The following NEBL variants were observed in gnomAD, a reference collection of about 807,000 sequenced individuals.
The protein encoded by NEBL is LIM and SH3 protein 2.
NEBL carries 122 observed loss-of-function variants against 140.2 expected under a neutral mutation model. The observed-to-expected ratio is 0.87, with a 90% CI of 0.75 to 1.01. NEBL has a LOEUF of 1.01. Ranked by LOEUF, NEBL falls within the 50% of genes least tolerant of loss-of-function variation. The pLI is 0.00. For synonymous variants in NEBL, 436 were observed against 398.9 expected, an observed-to-expected ratio of 1.09 and a Z score of -1.11; for missense variants, 1,365 against 1,231.3, an observed-to-expected ratio of 1.11 and a Z score of -1.62.
intron 2 of NEBL, among the ~76,000 whole-genome samples, chr10:21,083,675 TC>T (rs1374138797): frequency 1.3e-5 from 2 of 151,988 alleles, no homozygotes; most frequent in African/African-American, 4.8e-5. Context: ...CAAAATCCCG[TC>T]TCTACTAAAA....
chr10:20,941,168 A>T (rs929454874), intron 4 of NEBL, among the ~76,000 whole-genome samples: 42 of 152,226 alleles, frequency 2.8e-4, no homozygotes, highest in African/African-American at 8.7e-4. Context: ...CCTGATGAAC[A>T]TTGATGCAAA....
Position 21,066,886 on chromosome 10 carries a change from T to A in NEBL, c.165-46685A>T, listed in dbSNP as rs532699776. Among the ~76,000 whole-genome samples, 10 of 152,240 alleles carry A rather than the reference T, an allele frequency of 6.6e-5. No homozygotes were observed. In the East Asian group the frequency reaches 1.9e-3, roughly 29 times the overall value. ...CTATTTAAGGACACTTAAGAACTTT[T>A]AGCATCATGTTCAGTTGCTCCATCT... is the stretch of plus-strand genomic sequence containing the variant. On this transcript the variant is annotated intron_variant, in intron 2 of 6. Coordinates refer to the NEBL transcript ENST00000417816.
At chr10:20,939,387 G>C (rs1428482708) in intron 4 of NEBL, among the ~76,000 whole-genome samples, 3 of 152,142 alleles carry the variant, frequency 2.0e-5, no homozygotes, top group Non-Finnish European at 4.4e-5. Context: ...CAAATGCTGA[G>C]AGATTTTGTC....
At chr10:21,054,669 C>T (rs1464331281) in intron 2 of NEBL, among the ~76,000 whole-genome samples, 2 of 152,032 alleles carry the variant, frequency 1.3e-5, no homozygotes, top group Non-Finnish European at 2.9e-5. Context: ...GTATTTTTTC[C>T]AAACTGTTCT....
intron 3 of NEBL, among the ~76,000 whole-genome samples, chr10:20,966,988 C>CATTCACGTTAAAGGAG (rs796341635): frequency 1.3e-5 from 2 of 151,936 alleles, no homozygotes; most frequent in Non-Finnish European, 2.9e-5. Context: ...ATGACCATAC[C>CATTCACGTTAAAGGAG]ATTCACGTTA....
intron 3 of NEBL, among the ~76,000 whole-genome samples, chr10:21,198,322 G>A (rs985738107): frequency 1.3e-5 from 2 of 152,158 alleles, no homozygotes; most frequent in Non-Finnish European, 2.9e-5. Context: ...GGATGTATTA[G>A]GAAGAAGAAC....
chr10:21,040,970 T>C (rs955851882), intron 2 of NEBL, among the ~76,000 whole-genome samples: 17 of 152,172 alleles, frequency 1.1e-4, no homozygotes, highest in African/African-American at 4.1e-4. Flanking sequence ...GTACAGCATG[T>C]GGAACCAAGA....
chr10:21,103,299 C>T lies in NEBL; in HGVS notation c.164+69084G>A, dbSNP rs191006987. On this transcript the variant is annotated intron_variant, in intron 2 of 6. Transcript: ENST00000417816. ...TGCAATCTCGGCCCACTGCAAGCTC[C>T]GCCTTCCGGGTTCATGCCATTCTCC... Among the ~76,000 whole-genome samples the T allele has an allele frequency of 3.2e-3, 491 of 151,534 alleles. 3 individuals carry two copies. Among genetic ancestry groups the T allele is most frequent in the African/African-American group, 0.011 (446 of 41,308 alleles).
exon 1 of NEBL, chr10:21,174,099 G>C: frequency 1.1e-6 from 1 of 942,746 alleles, no homozygotes; most frequent in African/African-American, 1.8e-5. Flanking sequence ...TGCGTCGCTC[G>C]CACTCCAGGT....
At position 20,835,502 on chromosome 10, in the gene NEBL, A is replaced by C; in HGVS notation, c.1449+11T>G. ...ATGAGTCTTAAGGCCTGCATCACGC[A>C]CCCTACTAACCTCACTCGCTATCTC... is the stretch of plus-strand genomic sequence containing the variant. On this transcript the variant is annotated intron_variant, in intron 14 of 27. Transcript: ENST00000377122. 1 of 1,589,108 alleles carries C rather than the reference A, an allele frequency of 6.3e-7. No homozygotes were observed. Among genetic ancestry groups the C allele is most frequent in the Non-Finnish European group, 8.6e-7 (1 of 1,159,710 alleles).
At chr10:20,901,685 T>C (rs144048184), upstream of NEBL, among the ~76,000 whole-genome samples, 9 of 152,318 alleles carry the variant, frequency 5.9e-5, no homozygotes, top group Admixed American at 1.3e-4. Flanking sequence ...GAAAGAAGAA[T>C]TTGTTTGCCT....
At chr10:20,971,689 A>G (rs979205908) in intron 3 of NEBL, among the ~76,000 whole-genome samples, 29 of 146,642 alleles carry the variant, frequency 2.0e-4, no homozygotes, top group African/African-American at 5.8e-4. Flanking sequence ...TCTCGGCTCA[A>G]TGCAAGCTCT....
intron 2 of NEBL, among the ~76,000 whole-genome samples, chr10:21,041,859 T>C (rs1419790878): frequency 1.3e-5 from 2 of 152,168 alleles, no homozygotes; most frequent in Non-Finnish European, 2.9e-5. Context: ...AGACCATATA[T>C]AGTAATTTCC....
chr10:20,925,781 C>T (rs568832423), intron 4 of NEBL, among the ~76,000 whole-genome samples: 1 of 151,238 alleles, frequency 6.6e-6, no homozygotes, highest in Non-Finnish European at 1.5e-5. Context: ...GCCATATTGG[C>T]TATTGTCTCA....
At chr10:20,980,675 T>A (rs758140555) in intron 3 of NEBL, among the ~76,000 whole-genome samples, 2 of 152,158 alleles carry the variant, frequency 1.3e-5, no homozygotes, top group Non-Finnish European at 2.9e-5. Flanking sequence ...GATCCACATC[T>A]GCCATTCCCT....
chr10:20,861,458 C>T (rs930436207), intron 7 of NEBL, among the ~76,000 whole-genome samples: 4 of 152,160 alleles, frequency 2.6e-5, no homozygotes, highest in Non-Finnish European at 4.4e-5. Context: ...GGATTACAGG[C>T]GTGAGCCACC....
chr10:21,078,480 C>T (rs1478969001), intron 2 of NEBL, among the ~76,000 whole-genome samples: 1 of 151,328 alleles, frequency 6.6e-6, no homozygotes, highest in Non-Finnish European at 1.5e-5. Context: ...TGTTTGCCAT[C>T]GTGTACAGTA....
intron 21 of NEBL, among the ~76,000 whole-genome samples, chr10:20,817,117 C>T (rs1838794327): frequency 6.6e-6 from 1 of 152,124 alleles, no homozygotes. Flanking sequence ...CGGTGGCACA[C>T]ATCTGTAATC....
rs369125916 is a variant in NEBL at position 21,017,549 on chromosome 10, A to G, written c.249+2568T>C. Among the ~76,000 whole-genome samples the G allele has an allele frequency of 7.9e-5, 12 of 152,292 alleles. No individual in the cohort carries two copies. In the South Asian group the frequency reaches 1.2e-3, roughly 16 times the overall value. On this transcript the variant is annotated intron_variant, in intron 3 of 6. Transcript: ENST00000417816. Reference sequence around the variant, plus strand: ...CCCTTTGAAGCTTGCAGCTGGCCACATCAGGGAGAATAAAATCGGCCATTC... The same window carrying G: ...CCCTTTGAAGCTTGCAGCTGGCCACGTCAGGGAGAATAAAATCGGCCATTC...
Sources: gnomAD v4.1 joint callset for allele counts (sites outside exome capture counted in the v4.1 genomes callset) on GRCh38, gnomAD v4.1.1 for gene constraint, MANE v1.5 for transcripts, NCBI Gene and HGNC (gene_info 2026-07-23, HGNC 2026-07-21) for gene names.